Variants in OPA1 observed in about 807,000 individuals in gnomAD.
OPA1 encodes dynamin-like GTPase OPA1, mitochondrial.
Under a neutral mutation model 152.9 loss-of-function variants are expected in OPA1, and 59 were observed. The ratio of observed to expected loss-of-function variants is 0.39; its 90% confidence interval spans 0.31 to 0.48. The LOEUF (loss-of-function observed/expected upper bound fraction) is 0.48. Among genes scored for constraint, OPA1 ranks in the 20% least tolerant of loss-of-function variants. The pLI, the probability that OPA1 is intolerant of heterozygous loss-of-function variation, is 0.96. For missense variants in OPA1, 1,008 were observed against 1,216.8 expected (o/e 0.83, Z 2.55); for synonymous variants, 400 against 389.9 (o/e 1.03, Z -0.31).
chr3:193,662,867 T>C lies in OPA1; in HGVS notation c.2566T>C (p.Cys856Arg). 1 of 1,613,382 alleles carries C rather than the reference T, an allele frequency of 6.2e-7. No homozygotes were observed. The highest frequency in any genetic ancestry group is 2.2e-5 in the East Asian group (1 of 44,850). ...GAATGAATTGGAGAAGATGTTGAAA[T>C]GTAATGAGGAGCACCCAGCTTATCT... ...TKNELEKMLK[C>R]NEEHPAYLAS... is the part of the protein sequence containing the mutation. The change falls in exon 26 of 31, where the codon TGT becomes CGT. Residue 856 changes from cysteine (C) to arginine (R), a missense_variant. Physicochemically the swap from Cys to Arg is radical, Grantham distance 180. This residue lies in a region of OPA1 where 229 missense variants were observed against 269.0 expected (regional missense o/e 0.85). Coordinates refer to ENST00000361510, the MANE Select transcript of OPA1 (RefSeq NM_130837.3).
intron 6 of OPA1, among the ~76,000 whole-genome samples, chr3:193,619,303 A>G (rs1035061752): frequency 3.9e-5 from 6 of 152,190 alleles, no homozygotes; most frequent in Admixed American, 6.5e-5. Flanking sequence ...GTGAATTTCC[A>G]AGGAGTCAAA....
At chr3:193,625,114 C>T (rs75912732) in intron 6 of OPA1, among the ~76,000 whole-genome samples, 4,606 of 151,692 alleles carry the variant, frequency 0.03, 66 homozygotes, top group African/African-American at 0.036. Context: ...CTTTCTTCCA[C>T]GTTTTTTGAG....
chr3:193,659,576 GTC>G lies in OPA1; in HGVS notation c.2520+19_2520+20del, dbSNP rs766542576. The stretch of plus-strand genomic sequence containing the variant: ...CCCAAGAACAGGTAGAAATAAACAA[GTC>G]TCTAGTCTTATGATGATATAATTTT... On this transcript the variant is annotated intron_variant, in intron 25 of 30. Coordinates refer to ENST00000361510, the MANE Select transcript of OPA1 (RefSeq NM_130837.3). The G allele has an allele frequency of 3.8e-6, 6 of 1,593,458 alleles. No homozygotes were observed. The highest frequency in any genetic ancestry group is 1.7e-4 in the Middle Eastern group (1 of 5,990).
At chr3:193,644,828 T>C (rs968599892) in intron 16 of OPA1, among the ~76,000 whole-genome samples, 3 of 152,190 alleles carry the variant, frequency 2.0e-5, no homozygotes, top group Admixed American at 6.5e-5. Context: ...CAACTGAAGC[T>C]TATTTCAGTC....
intron 1 of OPA1, among the ~76,000 whole-genome samples, chr3:193,610,804 C>T (rs542337674): frequency 2.2e-3 from 332 of 152,334 alleles, no homozygotes; most frequent in Non-Finnish European, 3.4e-3. Context: ...TAGCAATGAG[C>T]GAGGCTCCAT....
chr3:193,672,205 G>A (rs1718084558), intron 29 of OPA1, among the ~76,000 whole-genome samples: 2 of 152,104 alleles, frequency 1.3e-5, no homozygotes. Flanking sequence ...ATTCAAAGTT[G>A]TTCTTTCTAT....
At chr3:193,634,988 G>A (rs1437273023) in intron 8 of OPA1, among the ~76,000 whole-genome samples, 4 of 152,128 alleles carry the variant, frequency 2.6e-5, no homozygotes, top group African/African-American at 9.7e-5. Context: ...TTATTTTATA[G>A]CATCTTAATT....
chr3:193,631,955 A>C (rs1337359922), intron 8 of OPA1, among the ~76,000 whole-genome samples: 2 of 152,196 alleles, frequency 1.3e-5, no homozygotes, highest in African/African-American at 2.4e-5. Context: ...GCATTTTTAC[A>C]TTGATAAGCT....
chr3:193,612,071 A>C (rs1344683482), intron 1 of OPA1, among the ~76,000 whole-genome samples: 1 of 152,064 alleles, frequency 6.6e-6, no homozygotes, highest in Non-Finnish European at 1.5e-5. Flanking sequence ...ATAAATTGGT[A>C]AATTCATGAA....
chr3:193,635,602 C>T (rs567866038), intron 9 of OPA1, 80 bp downstream of exon 9: 8 of 832,318 alleles, frequency 9.6e-6, no homozygotes, highest in African/African-American at 3.3e-5. Context: ...TTCTAAGGAG[C>T]TGTAAAGTAT....
chr3:193,685,771 C>CA (rs904622092), intron 29 of OPA1, among the ~76,000 whole-genome samples: 3 of 150,696 alleles, frequency 2.0e-5, no homozygotes, highest in Non-Finnish European at 3.0e-5. Context: ...AAGGAATAAA[C>CA]AAAAAAAATT....
At chr3:193,595,841 A>T (rs1033660277) in intron 1 of OPA1, among the ~76,000 whole-genome samples, 1 of 151,704 alleles carries the variant, frequency 6.6e-6, no homozygotes, top group Non-Finnish European at 1.5e-5. Context: ...TCTTAGGAGG[A>T]TAGTGGTCCT....
At chr3:193,617,929 A>G in intron 5 of OPA1, 92 bp downstream of exon 5, 1 of 812,026 alleles carries the variant, frequency 1.2e-6, no homozygotes, top group East Asian at 2.5e-5. Flanking sequence ...CAAATTTATA[A>G]TGCTGCTTAT....
At chr3:193,664,283 C>T (rs1715998771) in intron 26 of OPA1, among the ~76,000 whole-genome samples, 1 of 151,956 alleles carries the variant, frequency 6.6e-6, no homozygotes, top group Non-Finnish European at 1.5e-5. Flanking sequence ...ATAATTGATA[C>T]CACTTTTCTG....
At position 193,695,622 on chromosome 3, in the gene OPA1, A is replaced by T. The variant is rs1184802478; in HGVS notation, c.*1022A>T. On this transcript the variant is annotated 3_prime_UTR_variant, in exon 31 of 31. Transcript: ENST00000361510. ...ACAATACTACCTTCACAACATTTTC[A>T]TGTGTTTTAAATAAATATTTTTTAA... 6.6e-6 allele frequency: 1 copy of T among 152,178 alleles called. No homozygotes were observed. The highest frequency in any genetic ancestry group is 1.5e-5 in the Non-Finnish European group (1 of 68,020). 9.4% of individuals were successfully genotyped at this position (152,178 alleles called of 1,614,324 possible).
At position 193,696,795 on chromosome 3, in the gene OPA1, CA is replaced by C. The variant is rs1722284478; in HGVS notation, c.*2197del. The C allele has an allele frequency of 1.3e-5, 2 of 152,150 alleles. No individual in the cohort carries two copies. Among genetic ancestry groups the C allele is most frequent in the South Asian group, 4.1e-4 (2 of 4,836 alleles). 9.4% of individuals were successfully genotyped at this position (152,150 alleles called of 1,614,324 possible). ...ACAAAGCTCTGTATGGAAGACTGAA[CA>C]ACTGTAAATAGATGATATCCAAACT... On this transcript the variant is annotated 3_prime_UTR_variant, in exon 31 of 31. Coordinates refer to ENST00000361510, the MANE Select transcript of OPA1 (RefSeq NM_130837.3).
chr3:193,647,059 T>TA lies in OPA1; in HGVS notation c.1755-4dup. ...TACTTTAGCTCTTGTTATTTTTTTTTAATAGGACAAGCATGCTAAAGGCAC... is the reference window on the plus strand; with the variant it reads ...TACTTTAGCTCTTGTTATTTTTTTTTAAATAGGACAAGCATGCTAAAGGCAC... On this transcript the variant is annotated splice_region_variant and splice_polypyrimidine_tract_variant and intron_variant, in intron 18 of 30. Coordinates refer to ENST00000361510, the MANE Select transcript of OPA1 (RefSeq NM_130837.3). 6.3e-7 allele frequency: 1 copy of TA among 1,584,840 alleles called. No individual in the cohort carries two copies. Among genetic ancestry groups the TA allele is most frequent in the African/African-American group, 1.3e-5 (1 of 74,390 alleles).
At chr3:193,679,789 T>C (rs1044445947) in intron 29 of OPA1, among the ~76,000 whole-genome samples, 60 of 152,238 alleles carry the variant, frequency 3.9e-4, no homozygotes, top group Non-Finnish European at 2.8e-4. Flanking sequence ...AAAAAGATAA[T>C]TCTAGGTTTA....
chr3:193,653,106 A>T (rs1577279369), intron 21 of OPA1, among the ~76,000 whole-genome samples: 1 of 152,318 alleles, frequency 6.6e-6, no homozygotes. Context: ...AGGCCCTGAC[A>T]GGCTGCTTTT....
Sources: allele counts gnomAD v4.1 joint callset (sites outside exome capture counted in the v4.1 genomes callset), GRCh38; gene constraint gnomAD v4.1.1; regional missense constraint gnomAD v4.1.1; transcripts MANE v1.5; gene names NCBI Gene and HGNC (gene_info 2026-07-23, HGNC 2026-07-21).